Variants in FXR2 observed in about 807,000 individuals in gnomAD.
FXR2 encodes the protein FMR1 autosomal homolog 2, also known as RNA-binding protein FXR2.
FXR2 carries 9 observed loss-of-function variants against 87.3 expected under a neutral mutation model. The observed-to-expected ratio is 0.10, with a 90% CI of 0.06 to 0.18. FXR2 has a LOEUF of 0.18. FXR2 is among the 10% of genes least tolerant of loss of function. FXR2 has a pLI of 1.00. For missense variants in FXR2, 661 were observed against 893.6 expected, an observed-to-expected ratio of 0.74 and a Z score of 3.32; for synonymous variants, 331 against 328.3, an observed-to-expected ratio of 1.01 and a Z score of -0.09.
chr17:7,601,373 T>C lies in FXR2; in HGVS notation c.660+36A>G, dbSNP rs779483826. ...ACAGGGTAGGAAGGGAGGAAGACAA[T>C]ACCCTTCAGCAGAAGGAAAAGGAGC... On this transcript the variant is annotated intron_variant, in intron 7 of 16. Transcript: ENST00000250113. 10 of 1,088,838 alleles carry C rather than the reference T, an allele frequency of 9.2e-6. No individual in the cohort carries two copies. The South Asian group carries it at 1.2e-4, about 13-fold the overall frequency. The allele number at this position is 1,088,838 out of a possible 1,614,324, so 67.4% of individuals were successfully genotyped here.
At chr17:7,600,682 G>C (rs2071747800) in intron 7 of FXR2, among the ~76,000 whole-genome samples, 1 of 152,068 alleles carries the variant, frequency 6.6e-6, no homozygotes, top group African/African-American at 2.4e-5. Context: ...TCAGGAGTTT[G>C]AGACCAGCCT....
At chr17:7,613,991 CCT>C (rs2071904722) in intron 1 of FXR2, 1 of 454,632 alleles carries the variant, frequency 2.2e-6, no homozygotes, top group Non-Finnish European at 4.4e-6. Context: ...TAGGCAGAGG[CCT>C]CTCTGAGGAA....
Position 7,594,504 on chromosome 17 carries a change from G to A in FXR2, c.911-157C>T, listed in dbSNP as rs1004168740. 6.0e-6 allele frequency: 4 copies of A among 666,644 alleles called. No individual in the cohort carries two copies. In the African/African-American group the frequency reaches 7.3e-5, roughly 12 times the overall value. 41.3% of individuals were successfully genotyped at this position (666,644 alleles called of 1,614,324 possible). Reference sequence around the variant, plus strand: ...CTGATGTGTTTTTACAGGACAAAATGTTACAATCCCTAGAAATTTATTCTT... The same window carrying A: ...CTGATGTGTTTTTACAGGACAAAATATTACAATCCCTAGAAATTTATTCTT... On this transcript the variant is annotated intron_variant, in intron 9 of 16. Coordinates refer to ENST00000250113, the MANE Select transcript of FXR2 (RefSeq NM_004860.4). The surrounding 1 kb of genome is among the most constrained non-coding windows in gnomAD (Gnocchi z 5.1).
In FXR2 at chr17:7,592,647, C is replaced by T. The variant is rs773932636; in HGVS notation, c.1729+47G>A. 32 of 1,612,222 alleles carry T rather than the reference C, an allele frequency of 2.0e-5. No homozygotes were observed. Among genetic ancestry groups the T allele is most frequent in the East Asian group, 6.7e-5 (3 of 44,862 alleles). ...AGTCACACATCCAACCTCCCACCCT[C>T]GATTCCTACCCATCTCTAACTTTCC... On this transcript the variant is annotated intron_variant, in intron 14 of 16. Transcript: ENST00000250113. The surrounding 1 kb of genome is among the most constrained non-coding windows in gnomAD (Gnocchi z 4.8).
chr17:7,599,134 CCA>C (rs1491268223), intron 7 of FXR2, among the ~76,000 whole-genome samples: 1 of 111,260 alleles, frequency 9.0e-6, no homozygotes, highest in East Asian at 2.5e-4. Flanking sequence ...GAAACTGTCT[CCA>C]AAAAAAAAAA....
intron 7 of FXR2, among the ~76,000 whole-genome samples, chr17:7,599,794 C>T (rs940986350): frequency 6.6e-5 from 10 of 152,180 alleles, no homozygotes; most frequent in African/African-American, 2.4e-4. Context: ...AGGAGAATCG[C>T]TTCAATCTGG....
rs1000153992 is a variant in FXR2 at position 7,594,140 on chromosome 17, C to A, written c.1020+98G>T. The A allele has an allele frequency of 3.3e-6, 3 of 900,230 alleles. No individual in the cohort carries two copies. Among genetic ancestry groups the A allele is most frequent in the African/African-American group, 3.3e-5 (2 of 60,788 alleles). The allele number at this position is 900,230 out of a possible 1,614,324, so 55.8% of individuals were successfully genotyped here. ...AATCTACTAGTGTTAAACAACTTTC[C>A]GTACTCCACCCTCTCAAAGAACAAT... On this transcript the variant is annotated intron_variant, in intron 10 of 16. Coordinates refer to ENST00000250113, the MANE Select transcript of FXR2 (RefSeq NM_004860.4). The surrounding 1 kb of genome is among the most constrained non-coding windows in gnomAD (Gnocchi z 5.1).
At position 7,592,699 on chromosome 17, in the gene FXR2, CCATTCT is replaced by C; in HGVS notation, c.1718_1723del (p.Glu573_Asn574del). ...GACCCCAGGCACACCCTCACCCAGG[CCATTCT>C]CTGTCATGTTGGGCCCATCTGATTC... On this transcript the variant is annotated inframe_deletion, in exon 14 of 17. Transcript: ENST00000250113. This position sits in a 1 kb window ranked among gnomAD's most constrained non-coding sequence, Gnocchi z 4.8. The C allele has an allele frequency of 6.2e-7, 1 of 1,613,620 alleles. No individual in the cohort carries two copies. The highest frequency in any genetic ancestry group is 1.1e-5 in the South Asian group (1 of 91,058).
At position 7,609,987 on chromosome 17, in the gene FXR2, T is replaced by C. The variant is rs373741757; in HGVS notation, c.82-3838A>G. Among the ~76,000 whole-genome samples the C allele has an allele frequency of 2.5e-3, 302 of 122,846 alleles. 5 individuals carry two copies. Among genetic ancestry groups the C allele is most frequent in the Middle Eastern group, 0.023 (4 of 172 alleles). The allele number at this position is 122,846 out of a possible 152,430, so 80.6% of individuals were successfully genotyped here. On this transcript the variant is annotated intron_variant, in intron 1 of 16. Coordinates refer to ENST00000250113, the MANE Select transcript of FXR2 (RefSeq NM_004860.4). ...ATACATGTATATGTATACATATATA[T>C]ATACATGTATATGTATACATATATA...
At chr17:7,603,093 T>A in intron 5 of FXR2, 91 bp from the exon 6 acceptor site, 3 of 674,836 alleles carry the variant, frequency 4.4e-6, no homozygotes, top group Non-Finnish European at 8.0e-6. Context: ...GCACCTGTAA[T>A]CCTAGCACTT....
At position 7,593,328 on chromosome 17, in the gene FXR2, A is replaced by C; in HGVS notation, c.1330+75T>G. ...CATCATCTCCATTCCAGATTTCCCC[A>C]AACTTCCATCCAGACCTCTGCCTCT... On this transcript the variant is annotated intron_variant, in intron 12 of 16. Transcript: ENST00000250113. The surrounding 1 kb of genome is among the most constrained non-coding windows in gnomAD (Gnocchi z 6.1). 7.7e-7 allele frequency: 1 copy of C among 1,299,198 alleles called. No homozygotes were observed. Among genetic ancestry groups the C allele is most frequent in the South Asian group, 1.4e-5 (1 of 73,266 alleles). 80.5% of individuals were successfully genotyped at this position (1,299,198 alleles called of 1,614,324 possible).
In FXR2 at chr17:7,595,223, G is replaced by A. The variant is rs938879107; in HGVS notation, c.832-466C>T. 6.6e-6 allele frequency among the ~76,000 whole-genome samples: 1 copy of A among 152,058 alleles called. No individual in the cohort carries two copies. The highest frequency in any genetic ancestry group is 2.4e-5 in the African/African-American group (1 of 41,416). On this transcript the variant is annotated intron_variant, in intron 8 of 16. Coordinates refer to ENST00000250113, the MANE Select transcript of FXR2 (RefSeq NM_004860.4). The surrounding 1 kb of genome is among the most constrained non-coding windows in gnomAD (Gnocchi z 4.7). ...TCTCAACAGTTTCGGAGGCTAAGAA[G>A]GGAGGATTGCTTGAGGCTAGGAGTT...
intron 1 of FXR2, among the ~76,000 whole-genome samples, chr17:7,610,836 G>C (rs746019256): frequency 1.2e-4 from 19 of 152,190 alleles, no homozygotes; most frequent in Non-Finnish European, 2.4e-4. Context: ...ACCTGGCTTT[G>C]GCTTCTGGAG....
At position 7,609,931 on chromosome 17, in the gene FXR2, TATATATATACATGTATATGTATAC is replaced by T. The variant is rs1567753732; in HGVS notation, c.82-3806_82-3783del. The stretch of plus-strand genomic sequence containing the variant: ...ATATATGTATATATACATGTATATG[TATATATATACATGTATATGTATAC>T]ATATATATACATGTATATGTATACA... On this transcript the variant is annotated intron_variant, in intron 1 of 16. Coordinates refer to ENST00000250113, the MANE Select transcript of FXR2 (RefSeq NM_004860.4). Among the ~76,000 whole-genome samples the T allele has an allele frequency of 2.9e-4, 25 of 86,874 alleles. 1 individual carries two copies. The highest frequency in any genetic ancestry group is 6.7e-4 in the Admixed American group (5 of 7,506). 57.0% of individuals were successfully genotyped at this position (86,874 alleles called of 152,430 possible).
chr17:7,605,501 G>T (rs1016267533), intron 3 of FXR2, 144 bp downstream of exon 3: 3 of 574,134 alleles, frequency 5.2e-6, no homozygotes, highest in Admixed American at 2.9e-5. Flanking sequence ...AGTGATAAAA[G>T]GGGAACTGTT....
chr17:7,603,870 G>A lies in FXR2; in HGVS notation c.336C>T (p.Thr112=). Residue 112 remains threonine, a synonymous_variant, in exon 5 of 17, where the codon ACC becomes ACT. Transcript: ENST00000250113. The part of the protein sequence containing the change: ...YVIEYAACDA[T]YNEIVTLERL... ...GCTCCAGGGTAACAATTTCATTGTA[G>A]GTGGCATCACAGGCAGCATATTCAA... The A allele has an allele frequency of 6.2e-7, 1 of 1,613,942 alleles. No homozygotes were observed. The highest frequency in any genetic ancestry group is 1.1e-5 in the South Asian group (1 of 91,074).
In FXR2 at chr17:7,611,671, T is replaced by TA. The variant is rs921658436; in HGVS notation, c.81+2780dup. ...TGACAGAGGGAGACCCTGTCTCAAA[T>TA]AAAAAAAAAAGGAAAAGAAAGAAAA... On this transcript the variant is annotated intron_variant, in intron 1 of 16. Transcript: ENST00000250113. Among the ~76,000 whole-genome samples the TA allele has an allele frequency of 2.3e-3, 312 of 135,838 alleles. 1 individual carries two copies. Among genetic ancestry groups the TA allele is most frequent in the African/African-American group, 6.4e-3 (235 of 36,682 alleles). The allele number at this position is 135,838 out of a possible 152,430, so 89.1% of individuals were successfully genotyped here.
chr17:7,602,279 G>A (rs965153728), intron 6 of FXR2, among the ~76,000 whole-genome samples: 9 of 150,402 alleles, frequency 6.0e-5, no homozygotes, highest in Admixed American at 4.0e-4. Context: ...AAAATTAGCC[G>A]GGCATGTCGG....
intron 7 of FXR2, among the ~76,000 whole-genome samples, chr17:7,597,928 AGAAGTT>A: frequency 6.6e-6 from 1 of 151,062 alleles, no homozygotes; most frequent in Middle Eastern, 3.4e-3. Flanking sequence ...CAAGGATTTT[AGAAGTT>A]GAATGCCAGG....
Sources: allele counts gnomAD v4.1 joint callset (sites outside exome capture counted in the v4.1 genomes callset), GRCh38; gene constraint gnomAD v4.1.1; non-coding constraint Gnocchi (gnomAD v3.1); transcripts MANE v1.5; gene names NCBI Gene and HGNC (gene_info 2026-07-23, HGNC 2026-07-21).